SH3PXD2A: variants seen among roughly 807,000 people sequenced by gnomAD.
The protein encoded by SH3PXD2A is SH3 and PX domain-containing protein 2A.
In SH3PXD2A, 32 loss-of-function variants were observed where a neutral mutation model predicts 115.2. That is an observed-to-expected ratio of 0.28 (90% confidence interval 0.21 to 0.37). SH3PXD2A has a LOEUF of 0.37. Ranked by LOEUF, SH3PXD2A falls within the 10% of genes least tolerant of loss-of-function variation. The probability of loss-of-function intolerance (pLI) is 1.00; values close to 1 mark genes in which losing one functional copy is unlikely to be tolerated. For synonymous variants in SH3PXD2A, 610 were observed against 629.1 expected, an observed-to-expected ratio of 0.97 and a Z score of 0.45; for missense variants, 1,328 against 1,498.7, an observed-to-expected ratio of 0.89 and a Z score of 1.88.
chr10:103,613,785 A>C (rs1443785228), intron 11 of SH3PXD2A, among the ~76,000 whole-genome samples: 1 of 152,200 alleles, frequency 6.6e-6, no homozygotes, highest in East Asian at 1.9e-4. Context: ...AGACATGTTG[A>C]GATCAACTAA....
At chr10:103,649,421 T>C (rs979865858) in intron 8 of SH3PXD2A, among the ~76,000 whole-genome samples, 1 of 152,206 alleles carries the variant, frequency 6.6e-6, no homozygotes, top group Non-Finnish European at 1.5e-5. Flanking sequence ...CCTCCCTCGA[T>C]GGCACGCCAC....
At chr10:103,850,464 T>C (rs1486900811) in intron 1 of SH3PXD2A, among the ~76,000 whole-genome samples, 1 of 152,206 alleles carries the variant, frequency 6.6e-6, no homozygotes, top group African/African-American at 2.4e-5. Context: ...TGCTTGTGCA[T>C]GTGTAAGAGA....
intron 6 of SH3PXD2A, among the ~76,000 whole-genome samples, chr10:103,679,704 T>TA: frequency 6.6e-6 from 1 of 152,368 alleles, no homozygotes; most frequent in South Asian, 2.1e-4. Context: ...AAAATCTGCA[T>TA]ATTTGCAAGG....
chr10:103,653,274 G>A (rs965956590), intron 8 of SH3PXD2A, among the ~76,000 whole-genome samples: 5 of 152,302 alleles, frequency 3.3e-5, no homozygotes, highest in Admixed American at 6.5e-5. Context: ...ACCAGCCATC[G>A]GAAGACCAGC....
rs1170539774 is a variant in SH3PXD2A, at chr10:103,784,776, G to A, written c.153+16506C>T. Among the ~76,000 whole-genome samples, 1 of 151,704 alleles carries A rather than the reference G, an allele frequency of 6.6e-6. No homozygotes were observed. The highest frequency in any genetic ancestry group is 2.4e-5 in the African/African-American group (1 of 41,254). ...GAGAAGTAAGAAGGAGGAAGGAAGG[G>A]GAGAAGGGGGAAAAGGAGAAGGGAG... On this transcript the variant is annotated intron_variant, in intron 2 of 14. Coordinates refer to ENST00000369774, the MANE Select transcript of SH3PXD2A (RefSeq NM_001394015.1). The surrounding 1 kb of genome is among the most constrained non-coding windows in gnomAD (Gnocchi z 4.4).
intron 6 of SH3PXD2A, among the ~76,000 whole-genome samples, chr10:103,677,698 A>G (rs2037557027): frequency 6.6e-6 from 1 of 152,128 alleles, no homozygotes; most frequent in Non-Finnish European, 1.5e-5. Context: ...CTTATTAAAG[A>G]TTTGTTATGA....
rs894528624 is a variant in SH3PXD2A at position 103,669,256 on chromosome 10, C to T, written c.428-604G>A. 5.3e-5 allele frequency among the ~76,000 whole-genome samples: 8 copies of T among 152,296 alleles called. 1 individual carries two copies. Among genetic ancestry groups the T allele is most frequent in the African/African-American group, 1.9e-4 (8 of 41,560 alleles). On this transcript the variant is annotated intron_variant, in intron 6 of 14. Coordinates refer to ENST00000369774, the MANE Select transcript of SH3PXD2A (RefSeq NM_001394015.1). ...CGTTTTAGGGAGTCTTGCTCCCCAA[C>T]CCCAAAGCAGAAGGACAGGGACCTT...
chr10:103,752,574 G>A (rs912203862), intron 3 of SH3PXD2A, among the ~76,000 whole-genome samples: 6 of 152,214 alleles, frequency 3.9e-5, no homozygotes, highest in Middle Eastern at 3.2e-3. Context: ...AAACCGGACA[G>A]CAAAGCAGAC....
At position 103,603,113 on chromosome 10, in the gene SH3PXD2A, G is replaced by C. The variant is rs755571944; in HGVS notation, c.2105C>G (p.Ser702Cys). 14 of 1,613,202 alleles carry C rather than the reference G, an allele frequency of 8.7e-6. No homozygotes were observed. In the East Asian group the frequency reaches 1.3e-4, roughly 15 times the overall value. The change falls in exon 15 of 15, where the codon TCC becomes TGC. Residue 702 changes from serine (S) to cysteine (C), a missense_variant. Physicochemically the swap from Ser to Cys is moderately radical, Grantham distance 112. This residue lies in a region of SH3PXD2A where 574 missense variants were observed against 565.7 expected (regional missense o/e 1.01). Coordinates refer to ENST00000369774, the MANE Select transcript of SH3PXD2A (RefSeq NM_001394015.1). ...SSITINTTCC[S>C]SSSSSSSSLS... ...GGAAGAGGAGGAGGAGGAAGAGGAG[G>C]AGCAGCAAGTGGTGTTGATGGTGAT...
intron 6 of SH3PXD2A, among the ~76,000 whole-genome samples, chr10:103,689,152 G>A (rs1016705925): frequency 6.6e-6 from 1 of 152,128 alleles, no homozygotes; most frequent in African/African-American, 2.4e-5. Flanking sequence ...GGGATTACAG[G>A]AGTGAGCCAC....
chr10:103,734,226 T>C (rs1310105945), intron 4 of SH3PXD2A, among the ~76,000 whole-genome samples: 1 of 152,196 alleles, frequency 6.6e-6, no homozygotes, highest in East Asian at 1.9e-4. Flanking sequence ...TATACCTTAT[T>C]TGCCACATTA....
chr10:103,602,353 C>T lies in SH3PXD2A; in HGVS notation c.2865G>A (p.Gly955=), dbSNP rs1051881587. The change falls in exon 15 of 15, where the codon GGG becomes GGA. Residue 955 remains glycine (G), a synonymous_variant. Transcript: ENST00000369774. ...GAGTGCCTGAGGTCTTGCCGAAGCC[C>T]CCGGGAGGTTTGGAGGGGATGGGGG... ...ATPPIPSKPP[G]GFGKTSGTPA... is the part of the protein sequence containing the mutation. 1 of 1,613,616 alleles carries T rather than the reference C, an allele frequency of 6.2e-7. No individual in the cohort carries two copies. Among genetic ancestry groups the T allele is most frequent in the Non-Finnish European group, 8.5e-7 (1 of 1,179,850 alleles).
intron 8 of SH3PXD2A, among the ~76,000 whole-genome samples, chr10:103,659,704 G>T (rs1016242757): frequency 6.6e-6 from 1 of 152,186 alleles, no homozygotes; most frequent in African/African-American, 2.4e-5. Flanking sequence ...CCAGGCACAA[G>T]GGCAGACACA....
intron 5 of SH3PXD2A, among the ~76,000 whole-genome samples, chr10:103,694,991 G>A (rs931743723): frequency 5.3e-5 from 8 of 152,236 alleles, no homozygotes; most frequent in Admixed American, 2.0e-4. Flanking sequence ...TTCCTGAGAG[G>A]AGGAGGAGAG....
In SH3PXD2A at chr10:103,611,706, GAA is replaced by G. The variant is rs2036431917; in HGVS notation, c.1259-78_1259-77del. ...GTACCCATACCTGCCTTCCCTAGGT[GAA>G]ACTAACTCCTGATCCTTCAAGTTCA... is the stretch of plus-strand genomic sequence containing the variant. On this transcript the variant is annotated intron_variant, in intron 12 of 14. Transcript: ENST00000369774. 14 of 1,107,072 alleles carry G rather than the reference GAA, an allele frequency of 1.3e-5. No individual in the cohort carries two copies. In the South Asian group the frequency reaches 1.7e-4, roughly 14 times the overall value. 68.6% of individuals were successfully genotyped at this position (1,107,072 alleles called of 1,614,324 possible).
chr10:103,765,126 A>C (rs1288177831), intron 3 of SH3PXD2A, among the ~76,000 whole-genome samples: 1 of 152,146 alleles, frequency 6.6e-6, no homozygotes, highest in Non-Finnish European at 1.5e-5. Flanking sequence ...AAGCACAGAG[A>C]AGCTAATGCA....
At chr10:103,664,670 C>CTCTT (rs1554908417) in intron 7 of SH3PXD2A, among the ~76,000 whole-genome samples, 3 of 142,032 alleles carry the variant, frequency 2.1e-5, no homozygotes, top group African/African-American at 7.8e-5. Context: ...CTTTCTCTCT[C>CTCTT]TTTTTTTTTT....
Position 103,622,510 on chromosome 10 carries a change from C to G in SH3PXD2A, c.762G>C (p.Arg254=). 1 of 1,550,408 alleles carries G rather than the reference C, an allele frequency of 6.4e-7. No homozygotes were observed. ...TGTTGACCATCCCGCCCAGGGTCCA[C>G]CGGCGATCCAGGCGCCGCAGATGGG... ...RKAHLRRLDR[R]WTLGGMVNRQ... Residue 254 remains arginine (R), a synonymous_variant, in exon 10 of 15, where the codon CGG becomes CGC. Transcript: ENST00000369774.
At chr10:103,656,546 G>A (rs2037214856) in intron 8 of SH3PXD2A, among the ~76,000 whole-genome samples, 2 of 152,134 alleles carry the variant, frequency 1.3e-5, no homozygotes, top group Non-Finnish European at 1.5e-5. Context: ...AATCTGCATG[G>A]TAGCTGGGCG....
Sources: gnomAD v4.1 joint callset for allele counts (sites outside exome capture counted in the v4.1 genomes callset) on GRCh38, gnomAD v4.1.1 for gene constraint, gnomAD v4.1.1 regional missense constraint, Gnocchi (gnomAD v3.1) non-coding constraint, MANE v1.5 for transcripts, NCBI Gene and HGNC (gene_info 2026-07-23, HGNC 2026-07-21) for gene names.